Variants in CLBA1 observed in about 807,000 individuals in gnomAD.
CLBA1 encodes uncharacterized protein CLBA1.
In CLBA1, 30 loss-of-function variants were observed where a neutral mutation model predicts 28.8. The observed-to-expected ratio is 1.04, with a 90% CI of 0.78 to 1.41. The LOEUF is 1.41. Ranked by LOEUF, CLBA1 falls within the 40% of genes most tolerant of loss-of-function variation. The probability of loss-of-function intolerance (pLI) is 0.00; values close to 1 mark genes in which losing one functional copy is unlikely to be tolerated. For synonymous variants in CLBA1, 160 were observed against 152.8 expected, an observed-to-expected ratio of 1.05 and a Z score of -0.35; for missense variants, 451 against 412.3, an observed-to-expected ratio of 1.09 and a Z score of -0.81.
At position 104,991,422 on chromosome 14, in the gene CLBA1, GGGCCGTGCCTCA is replaced by G. The variant is rs1900015637; in HGVS notation, c.570-68_570-57del. 5 of 1,595,906 alleles carry G rather than the reference GGGCCGTGCCTCA, an allele frequency of 3.1e-6. No homozygotes were observed. The Admixed American group carries it at 6.8e-5, about 22-fold the overall frequency. The stretch of plus-strand genomic sequence containing the variant: ...GGCCAGGCGCCCCGCTGCGTGCCTC[GGGCCGTGCCTCA>G]TGATCTCCTCAGAAGGCTCTCAAGG... On this transcript the variant is annotated intron_variant, in intron 2 of 4. Transcript: ENST00000547315.
chr14:104,989,426 C>T (rs1196322167), intron 2 of CLBA1: 35 of 397,724 alleles, frequency 8.8e-5, no homozygotes, highest in South Asian at 5.7e-4. Context: ...GGGCAGTGGG[C>T]ACAGGGGCCT....
intron 3 of CLBA1, among the ~76,000 whole-genome samples, chr14:104,992,425 C>CA (rs1263999432): frequency 6.6e-6 from 1 of 152,234 alleles, no homozygotes; most frequent in African/African-American, 2.4e-5. Flanking sequence ...ATGGAAAACT[C>CA]AAAAAGGGCC....
chr14:104,987,775 G>A (rs1477120024), intron 1 of CLBA1, among the ~76,000 whole-genome samples: 7 of 145,352 alleles, frequency 4.8e-5, no homozygotes, highest in Admixed American at 2.7e-4. Flanking sequence ...CCACCACCAC[G>A]CCCGGCTAAC....
rs1899849492 is a variant in CLBA1 at position 104,986,192 on chromosome 14, G to A, written c.-240G>A. The A allele has an allele frequency of 3.5e-6, 2 of 572,742 alleles. No individual in the cohort carries two copies. The highest frequency in any genetic ancestry group is 1.9e-5 in the African/African-American group (1 of 53,314). The allele number at this position is 572,742 out of a possible 1,614,324, so 35.5% of individuals were successfully genotyped here. On this transcript the variant is annotated 5_prime_UTR_variant, in exon 1 of 5. Transcript: ENST00000547315. The stretch of plus-strand genomic sequence containing the variant: ...TCTGTGTCGGACTCCGCGCCCGCCT[G>A]CGTGGGAGGAAGCCAGGACTCCCGG...
Position 104,991,230 on chromosome 14 carries a change from T to C in CLBA1, c.570-261T>C, listed in dbSNP as rs911274588. The C allele has an allele frequency of 9.6e-5, 30 of 312,924 alleles. 3 individuals are homozygous for C. Among genetic ancestry groups the C allele is most frequent in the South Asian group, 8.8e-4 (30 of 34,240 alleles). The allele number at this position is 312,924 out of a possible 1,614,324, so 19.4% of individuals were successfully genotyped here. A position where few individuals can be genotyped will look rare whatever the true frequency, so the allele number is the denominator to read the frequency against. ...TAGTAGAGACGGGGTTTCACTATGT[T>C]GGCCAGGCAGATCTTGAACTCCTGA... On this transcript the variant is annotated intron_variant, in intron 2 of 4. Transcript: ENST00000547315.
At chr14:104,997,449 C>T (rs537648318), downstream of CLBA1, among the ~76,000 whole-genome samples, 13 of 152,192 alleles carry the variant, frequency 8.5e-5, no homozygotes, top group East Asian at 1.4e-3. Context: ...ATTCCAAGAC[C>T]GAATCACTAA....
rs774908201 is a variant in CLBA1 at position 104,986,669 on chromosome 14, G to T, written c.238G>T (p.Glu80Ter). The part of the protein sequence containing the change: ...DPGEHSSTWG[E>*]FEGFRESSAK... ...TGGGGAACACAGCAGCACTTGGGGGGAGTTTGAAGGCTTTCGGGAATCTTC... is the reference window on the plus strand; with the variant it reads ...TGGGGAACACAGCAGCACTTGGGGGTAGTTTGAAGGCTTTCGGGAATCTTC... Residue 80 changes from glutamate to a stop codon, truncating the protein, a stop_gained, in exon 1 of 5, where the codon GAG becomes TAG. Coordinates refer to ENST00000547315, the MANE Select transcript of CLBA1 (RefSeq NM_174891.4). LOFTEE classifies it high-confidence loss of function. 6.2e-7 allele frequency: 1 copy of T among 1,614,114 alleles called. No homozygotes were observed. Among genetic ancestry groups the T allele is most frequent in the Non-Finnish European group, 8.5e-7 (1 of 1,180,014 alleles).
At chr14:104,991,346 C>A in intron 2 of CLBA1, 145 bp from the exon 3 acceptor site, 1 of 914,642 alleles carries the variant, frequency 1.1e-6, no homozygotes, top group Non-Finnish European at 1.6e-6. Flanking sequence ...TTTTAGAGTT[C>A]TTAACAGCCA....
chr14:104,992,349 G>A (rs981130659), intron 3 of CLBA1, among the ~76,000 whole-genome samples: 1 of 152,246 alleles, frequency 6.6e-6, no homozygotes, highest in African/African-American at 2.4e-5. Flanking sequence ...AGGGAGGGCC[G>A]CCTTTTCAGA....
At position 104,986,780 on chromosome 14, in the gene CLBA1, A is replaced by G. The variant is rs777087285; in HGVS notation, c.349A>G (p.Lys117Glu). The change falls in exon 1 of 5, where the codon AAA becomes GAA. Residue 117 changes from lysine (K) to glutamate (E), a missense_variant. Transcript: ENST00000547315. ...PQPPRTTSAP[K>E]ECSSHQPCQG... ...GCCACCGAGAACCACTTCTGCCCCAAAAGAGTGCAGTTCTCACCAACCATG... is the reference window on the plus strand; with the variant it reads ...GCCACCGAGAACCACTTCTGCCCCAGAAGAGTGCAGTTCTCACCAACCATG... 1.4e-5 allele frequency: 22 copies of G among 1,612,962 alleles called. No individual in the cohort carries two copies.
intron 4 of CLBA1, chr14:104,993,508 T>G: frequency 1.0e-6 from 1 of 985,490 alleles, no homozygotes; most frequent in Admixed American, 6.1e-5. Flanking sequence ...ACACAGGGTC[T>G]GCCCACAGCT....
chr14:104,998,624 G>A (rs962947014), downstream of CLBA1, among the ~76,000 whole-genome samples: 2 of 152,146 alleles, frequency 1.3e-5, no homozygotes, highest in African/African-American at 2.4e-5. Flanking sequence ...TAGCAGGTGC[G>A]GGAAAGCAGC....
Position 104,991,484 on chromosome 14 carries a change from T to C in CLBA1, c.570-7T>C, listed in dbSNP as rs372690293. On this transcript the variant is annotated splice_region_variant and splice_polypyrimidine_tract_variant and intron_variant, in intron 2 of 4. Transcript: ENST00000547315. ...GTCACCTTTTAACAAGTGCATCTGT[T>C]TTCCAGTAACGAATCCAGAAAACTC... The C allele has an allele frequency of 6.5e-5, 105 of 1,613,574 alleles. No individual in the cohort carries two copies. In the African/African-American group the frequency reaches 1.3e-3, roughly 21 times the overall value.
downstream of CLBA1, among the ~76,000 whole-genome samples, chr14:104,998,226 G>C (rs575976308): frequency 2.0e-5 from 3 of 151,306 alleles, no homozygotes; most frequent in African/African-American, 7.3e-5. Flanking sequence ...GGGCAACATA[G>C]TGAGACCCCC....
rs539249779 is a variant in CLBA1 at position 104,993,534 on chromosome 14, G to A, written c.816+470G>A. 2.6e-5 allele frequency: 26 copies of A among 985,432 alleles called. No homozygotes were observed. The East Asian group carries it at 3.4e-4, about 13-fold the overall frequency. 61.0% of individuals were successfully genotyped at this position (985,432 alleles called of 1,614,324 possible). ...GCCCACAGCTTTTCTCTCATGAGCC[G>A]CGGTTCTTGCCACAGAGTCACTTCA... is the stretch of plus-strand genomic sequence containing the variant. On this transcript the variant is annotated intron_variant, in intron 4 of 4. Coordinates refer to ENST00000547315, the MANE Select transcript of CLBA1 (RefSeq NM_174891.4).
At chr14:104,997,415 A>T (rs956287687), downstream of CLBA1, among the ~76,000 whole-genome samples, 1 of 152,228 alleles carries the variant, frequency 6.6e-6, no homozygotes, top group African/African-American at 2.4e-5. Flanking sequence ...CCAGAGCAGG[A>T]ACAGGAGAGA....
rs373560879 is a variant in CLBA1 at position 104,992,955 on chromosome 14, C to T, written c.707C>T (p.Ser236Phe). Reference sequence around the variant, plus strand: ...TGGGGTCTGTCTCCTTAGAACCTTTCTGGAGGCCAGGGCCACATCATGGAA... The same window carrying T: ...TGGGGTCTGTCTCCTTAGAACCTTTTTGGAGGCCAGGGCCACATCATGGAA... ...LGIDAAQKNL[S>F]GGQGHIMEDC... is the part of the protein sequence containing the mutation. Residue 236 changes from serine to phenylalanine, a missense_variant, in exon 4 of 5, where the codon TCT (serine) becomes TTT (phenylalanine). Coordinates refer to ENST00000547315, the MANE Select transcript of CLBA1 (RefSeq NM_174891.4). 5 of 1,613,534 alleles carry T rather than the reference C, an allele frequency of 3.1e-6. No homozygotes were observed. In the African/African-American group the frequency reaches 6.7e-5, roughly 22 times the overall value.
downstream of CLBA1, among the ~76,000 whole-genome samples, chr14:105,000,472 A>G (rs1900245712): frequency 6.6e-6 from 1 of 151,988 alleles, no homozygotes; most frequent in Non-Finnish European, 1.5e-5. Flanking sequence ...GGGTTTCACC[A>G]TGTTGGCCAG....
In CLBA1 at chr14:104,994,585, CCT is replaced by C; in HGVS notation, c.817-9_817-8del. The C allele has an allele frequency of 6.2e-7, 1 of 1,600,390 alleles. No individual in the cohort carries two copies. The highest frequency in any genetic ancestry group is 8.5e-7 in the Non-Finnish European group (1 of 1,177,446). On this transcript the variant is annotated splice_polypyrimidine_tract_variant and intron_variant, in intron 4 of 4. Transcript: ENST00000547315. ...CGGGGTGCGCGCGCCTGACTGCTGT[CCT>C]CTCATCTCAGCTCTCGGGGCCGCCT...
Sources: allele counts gnomAD v4.1 joint callset (sites outside exome capture counted in the v4.1 genomes callset), GRCh38; gene constraint gnomAD v4.1.1; transcripts MANE v1.5; gene names NCBI Gene and HGNC (gene_info 2026-07-23, HGNC 2026-07-21).